The following TMEM71 variants were observed in gnomAD, a reference collection of about 807,000 sequenced individuals.
TMEM71 encodes the protein transmembrane protein 71.
Under a neutral mutation model 38.0 loss-of-function variants are expected in TMEM71, and 44 were observed. The ratio of observed to expected loss-of-function variants is 1.16; its 90% CI spans 0.91 to 1.49. The LOEUF is 1.49. Ranked by LOEUF, TMEM71 falls within the 40% of genes most tolerant of loss-of-function variation. The pLI is 0.00. For missense variants in TMEM71, 367 were observed against 348.6 expected (o/e 1.05, Z -0.42); for synonymous variants, 133 against 122.5 (o/e 1.09, Z -0.56).
chr8:132,775,402 G>C, the TMEM71 span: 1 of 381,898 alleles, frequency 2.6e-6, no homozygotes, highest in East Asian at 3.9e-5. Flanking sequence ...CTGGCCGGCG[G>C]CGGAGGCGGC....
intron 5 of TMEM71, among the ~76,000 whole-genome samples, chr8:132,746,518 T>C (rs1311166886): frequency 6.9e-6 from 1 of 144,842 alleles, no homozygotes; most frequent in African/African-American, 2.6e-5. Context: ...TATATATATA[T>C]GGTTTTATGA....
chr8:132,735,210 A>C (rs1334824888), intron 5 of TMEM71, among the ~76,000 whole-genome samples: 1 of 152,192 alleles, frequency 6.6e-6, no homozygotes, highest in Non-Finnish European at 1.5e-5. Context: ...TCCGTGGCTC[A>C]AGAATGAATT....
chr8:132,752,349 GC>G (rs985723970), intron 3 of TMEM71, among the ~76,000 whole-genome samples: 1 of 152,106 alleles, frequency 6.6e-6, no homozygotes, highest in African/African-American at 2.4e-5. Flanking sequence ...ACTTTGAATA[GC>G]CCTCCAGTTG....
chr8:132,730,397 C>A (rs1487945514), intron 5 of TMEM71, among the ~76,000 whole-genome samples: 1 of 152,164 alleles, frequency 6.6e-6, no homozygotes, highest in East Asian at 1.9e-4. Flanking sequence ...CACAGATTTC[C>A]CCAGATAAAG....
At chr8:132,746,454 T>TATACATATATATATAC in intron 5 of TMEM71, among the ~76,000 whole-genome samples, 1 of 17,488 alleles carries the variant, frequency 5.7e-5, no homozygotes, top group Admixed American at 9.6e-4. Flanking sequence ...TACATATACA[T>TATACATATATATATAC]ATATATATAC....
At chr8:132,709,826 A>C (rs1826152996), downstream of TMEM71, 1 of 152,234 alleles carries the variant, frequency 6.6e-6, no homozygotes. Context: ...CACTTGGTTT[A>C]GGGTAATTTG....
the TMEM71 span, among the ~76,000 whole-genome samples, chr8:132,774,086 C>A: frequency 2.0e-5 from 3 of 152,206 alleles, no homozygotes; most frequent in East Asian, 5.8e-4. Flanking sequence ...AAATTACCAA[C>A]TGGCCATGAC....
At chr8:132,740,322 T>C (rs948793721) in intron 5 of TMEM71, among the ~76,000 whole-genome samples, 1 of 152,238 alleles carries the variant, frequency 6.6e-6, no homozygotes, top group African/African-American at 2.4e-5. Context: ...AAGCCAATGC[T>C]CAAAAGTTCT....
At chr8:132,759,961 G>A (rs944123455) in intron 1 of TMEM71, among the ~76,000 whole-genome samples, 1 of 152,190 alleles carries the variant, frequency 6.6e-6, no homozygotes, top group African/African-American at 2.4e-5. Context: ...AATAATCCCA[G>A]TGTAATGTAA....
rs189515582 is a variant in TMEM71 at position 132,710,704 on chromosome 8, C to G, written c.*263G>C. On this transcript the variant is annotated 3_prime_UTR_variant, in exon 10 of 10. Transcript: ENST00000677595. Reference sequence around the variant, plus strand: ...ACATTTATTCCAGGCGGTCTCTTTTCCATCACATTCCCCGTCCTTTTCCTT... The same window carrying G: ...ACATTTATTCCAGGCGGTCTCTTTTGCATCACATTCCCCGTCCTTTTCCTT... 3.4e-4 allele frequency: 190 copies of G among 552,868 alleles called. No homozygotes were observed. The African/African-American group carries it at 3.5e-3, about 10-fold the overall frequency. 34.2% of individuals were successfully genotyped at this position (552,868 alleles called of 1,614,324 possible).
At chr8:132,734,074 T>G (rs938729035) in intron 5 of TMEM71, among the ~76,000 whole-genome samples, 1 of 152,102 alleles carries the variant, frequency 6.6e-6, no homozygotes, top group African/African-American at 2.4e-5. Context: ...GGATGAGTTA[T>G]AGAGATCTGC....
intron 5 of TMEM71, among the ~76,000 whole-genome samples, chr8:132,732,784 C>T (rs144857330): frequency 4.6e-5 from 7 of 152,224 alleles, no homozygotes; most frequent in African/African-American, 1.2e-4. Flanking sequence ...AGACAGTTTA[C>T]GTTGTCACAA....
chr8:132,726,988 C>G (rs563505981), intron 6 of TMEM71, among the ~76,000 whole-genome samples: 1 of 152,060 alleles, frequency 6.6e-6, no homozygotes, highest in East Asian at 1.9e-4. Context: ...GCCAGAGTAG[C>G]TGGGATTACA....
intron 5 of TMEM71, among the ~76,000 whole-genome samples, chr8:132,746,470 T>C (rs1422794830): frequency 1.1e-3 from 14 of 12,848 alleles, no homozygotes; most frequent in African/African-American, 3.2e-3. Context: ...TATACATATA[T>C]ATATACATAT....
At chr8:132,715,409 C>CAAA (rs975995287) in intron 7 of TMEM71, among the ~76,000 whole-genome samples, 2,929 of 21,478 alleles carry the variant, frequency 0.14, 677 homozygotes, top group African/African-American at 0.29. Context: ...GACTCCGTCT[C>CAAA]AAAAAAAAAA....
chr8:132,707,313 G>A (rs1049838538), downstream of TMEM71, among the ~76,000 whole-genome samples: 3 of 152,176 alleles, frequency 2.0e-5, no homozygotes, highest in Admixed American at 1.3e-4. Context: ...GGGGCAGCTG[G>A]AGGGCTCCTG....
chr8:132,733,938 A>T (rs1827600154), intron 5 of TMEM71, among the ~76,000 whole-genome samples: 1 of 152,182 alleles, frequency 6.6e-6, no homozygotes, highest in Non-Finnish European at 1.5e-5. Flanking sequence ...TCCTTCTATG[A>T]GGTAGCCAAA....
intron 7 of TMEM71, among the ~76,000 whole-genome samples, chr8:132,716,067 A>G (rs559874271): frequency 2.0e-5 from 3 of 152,134 alleles, no homozygotes; most frequent in Non-Finnish European, 4.4e-5. Flanking sequence ...GGAGCCCGGA[A>G]CTGGAGGGGG....
At chr8:132,769,976 A>G in the TMEM71 span, among the ~76,000 whole-genome samples, 1 of 152,244 alleles carries the variant, frequency 6.6e-6, no homozygotes, top group Non-Finnish European at 1.5e-5. Context: ...GAAAAGAATG[A>G]TCACTAAGAG....
Sources: allele counts gnomAD v4.1 joint callset (sites outside exome capture counted in the v4.1 genomes callset), GRCh38; gene constraint gnomAD v4.1.1; transcripts MANE v1.5; gene names NCBI Gene and HGNC (gene_info 2026-07-23, HGNC 2026-07-21).